Variants in NEIL3 observed in about 807,000 individuals in gnomAD.
NEIL3 encodes the protein endonuclease 8-like 3.
In NEIL3, 48 loss-of-function variants were observed where a neutral mutation model predicts 57.5. That is an observed-to-expected ratio of 0.83 (90% CI 0.66 to 1.06). The LOEUF is 1.06. Among genes scored for constraint, NEIL3 ranks in the 50% least tolerant of loss-of-function variants. The probability of loss-of-function intolerance (pLI) is 0.00; values close to 1 mark genes in which losing one functional copy is unlikely to be tolerated. For missense variants in NEIL3, 717 were observed against 739.1 expected (o/e 0.97, Z 0.35); for synonymous variants, 261 against 253.2 (o/e 1.03, Z -0.29).
intron 7 of NEIL3, among the ~76,000 whole-genome samples, chr4:177,351,935 C>G (rs1025543800): frequency 6.6e-6 from 1 of 152,174 alleles, no homozygotes; most frequent in Non-Finnish European, 1.5e-5. Flanking sequence ...GTAAGAATCT[C>G]TTTGCAGGTG....
In NEIL3 at chr4:177,351,474, A is replaced by G; in HGVS notation, c.964A>G (p.Thr322Ala). Residue 322 changes from threonine to alanine, a missense_variant, in exon 7 of 10, where the codon ACC (threonine) becomes GCC (alanine). Thr to Ala is a moderately conservative substitution (Grantham distance 58). Transcript: ENST00000264596. Reference sequence around the variant, plus strand: ...GGCTCGGAAGTCGGAAGAGCACTGGACCTGTGTGGTGTGTACTTTAATCAA... The same window carrying G: ...GGCTCGGAAGTCGGAAGAGCACTGGGCCTGTGTGGTGTGTACTTTAATCAA... ...SVARKSEEHW[T>A]CVVCTLINKP... 1 of 1,613,974 alleles carries G rather than the reference A, an allele frequency of 6.2e-7. No homozygotes were observed. Among genetic ancestry groups the G allele is most frequent in the Middle Eastern group, 1.7e-4 (1 of 6,060 alleles).
At chr4:177,335,634 G>T (rs1734959316) in intron 2 of NEIL3, 54 bp from the exon 3 acceptor site, 3 of 1,556,700 alleles carry the variant, frequency 1.9e-6, no homozygotes, top group Non-Finnish European at 2.6e-6. Flanking sequence ...CAGGAAAAAA[G>T]CTTGATAAAT....
In NEIL3 at chr4:177,351,467, G is replaced by C; in HGVS notation, c.957G>C (p.Glu319Asp). 1 of 1,614,002 alleles carries C rather than the reference G, an allele frequency of 6.2e-7. No homozygotes were observed. The highest frequency in any genetic ancestry group is 1.1e-5 in the South Asian group (1 of 91,086). The change falls in exon 7 of 10, where the codon GAG becomes GAC. Residue 319 changes from glutamate (E) to aspartate (D), a missense_variant. Physicochemically the swap from Glu to Asp is conservative, Grantham distance 45. Coordinates refer to ENST00000264596, the MANE Select transcript of NEIL3 (RefSeq NM_018248.3). ...ACTCCGTGGCTCGGAAGTCGGAAGA[G>C]CACTGGACCTGTGTGGTGTGTACTT... ...VMDSVARKSE[E>D]HWTCVVCTLI...
chr4:177,339,880 G>A (rs1560915131), intron 5 of NEIL3, 23 bp downstream of exon 5: 1 of 1,519,912 alleles, frequency 6.6e-7, no homozygotes, highest in Admixed American at 1.7e-5. Flanking sequence ...TTTTTCAACT[G>A]TGTAAAATGT....
At chr4:177,369,967 A>T in the NEIL3 span, among the ~76,000 whole-genome samples, 1 of 152,210 alleles carries the variant, frequency 6.6e-6, no homozygotes, top group Non-Finnish European at 1.5e-5. Flanking sequence ...GGAATGTTTC[A>T]GAGAGGAAAT....
intron 2 of NEIL3, among the ~76,000 whole-genome samples, chr4:177,327,556 G>A (rs562805127): frequency 1.6e-4 from 24 of 152,222 alleles, no homozygotes; most frequent in African/African-American, 5.8e-4. Context: ...CATGCATTAA[G>A]TGTTTGTCCT....
At chr4:177,347,067 A>T (rs1011880337) in intron 6 of NEIL3, among the ~76,000 whole-genome samples, 1 of 152,090 alleles carries the variant, frequency 6.6e-6, no homozygotes, top group African/African-American at 2.4e-5. Context: ...TGAGGCGATG[A>T]TAAGTGGTGA....
the NEIL3 span, among the ~76,000 whole-genome samples, chr4:177,369,466 G>A: frequency 6.6e-6 from 1 of 152,138 alleles, no homozygotes; most frequent in Non-Finnish European, 1.5e-5. Flanking sequence ...GGCCAGTTCT[G>A]AGTTCTGAGA....
chr4:177,366,786 C>A (rs1199548985), downstream of NEIL3, among the ~76,000 whole-genome samples: 1 of 152,160 alleles, frequency 6.6e-6, no homozygotes, highest in African/African-American at 2.4e-5. Flanking sequence ...TATTGAGATC[C>A]CCAAGGAACA....
At chr4:177,369,055 C>T in the NEIL3 span, among the ~76,000 whole-genome samples, 1 of 152,186 alleles carries the variant, frequency 6.6e-6, no homozygotes, top group Non-Finnish European at 1.5e-5. Context: ...CTCTGTTGAA[C>T]ACCTACTATG....
chr4:177,341,848 A>G (rs1307888760), intron 6 of NEIL3, among the ~76,000 whole-genome samples: 1 of 152,226 alleles, frequency 6.6e-6, no homozygotes, highest in Non-Finnish European at 1.5e-5. Context: ...TTCTGAATTT[A>G]GGTGGAAAAT....
chr4:177,320,889 T>G (rs1209489630), intron 1 of NEIL3, among the ~76,000 whole-genome samples: 1 of 152,090 alleles, frequency 6.6e-6, no homozygotes, highest in Non-Finnish European at 1.5e-5. Context: ...TTCAGGCAGT[T>G]GGAAAATTCT....
Position 177,341,450 on chromosome 4 carries a change from A to G in NEIL3, c.703-26A>G, listed in dbSNP as rs376932550. 1.9e-6 allele frequency: 3 copies of G among 1,544,342 alleles called. No homozygotes were observed. In the African/African-American group the frequency reaches 4.2e-5, roughly 22 times the overall value. On this transcript the variant is annotated intron_variant, in intron 5 of 9. Transcript: ENST00000264596. Reference sequence around the variant, plus strand: ...GGCAGCACTGTTTTGTGGATAACAGAATTTTTTGGTTTTTTTTTTTTTTAG... The same window carrying G: ...GGCAGCACTGTTTTGTGGATAACAGGATTTTTTGGTTTTTTTTTTTTTTAG...
At chr4:177,359,548 T>C (rs888350276) in intron 8 of NEIL3, among the ~76,000 whole-genome samples, 2 of 152,120 alleles carry the variant, frequency 1.3e-5, no homozygotes, top group Non-Finnish European at 2.9e-5. Flanking sequence ...TTTTAACAAT[T>C]ATTTAAGAAT....
chr4:177,326,262 G>A (rs750454095), intron 2 of NEIL3, among the ~76,000 whole-genome samples: 10 of 151,970 alleles, frequency 6.6e-5, no homozygotes, highest in African/African-American at 1.4e-4. Context: ...GTCTTTTTGC[G>A]TGTGTATTTT....
At chr4:177,355,483 A>G (rs1735452364) in intron 8 of NEIL3, among the ~76,000 whole-genome samples, 1 of 152,172 alleles carries the variant, frequency 6.6e-6, no homozygotes, top group South Asian at 2.1e-4. Flanking sequence ...TATACTGTAT[A>G]TTTTGTGTAA....
At chr4:177,354,646 T>A (rs1735436316) in intron 8 of NEIL3, among the ~76,000 whole-genome samples, 1 of 151,870 alleles carries the variant, frequency 6.6e-6, no homozygotes, top group Non-Finnish European at 1.5e-5. Context: ...ATTCGGCTAA[T>A]TTTTTTTGTA....
Position 177,348,858 on chromosome 4 carries a change from A to ATTTTTTTTTTTTTTTTTTTTTTTT in NEIL3, c.870-2518_870-2495dup, listed in dbSNP as rs749391559. Among the ~76,000 whole-genome samples, 4 of 73,736 alleles carry ATTTTTTTTTTTTTTTTTTTTTTTT rather than the reference A, an allele frequency of 5.4e-5. 1 individual carries two copies. The highest frequency in any genetic ancestry group is 4.4e-4 in the Admixed American group (2 of 4,506). 48.4% of individuals were successfully genotyped at this position (73,736 alleles called of 152,430 possible). On this transcript the variant is annotated intron_variant, in intron 6 of 9. Transcript: ENST00000264596. Reference sequence around the variant, plus strand: ...AGAATTGCAGATTGGTGGCTCATGAATTTTTTTTTTTTTTTTTTTTTTTTT... The same window carrying ATTTTTTTTTTTTTTTTTTTTTTTT: ...AGAATTGCAGATTGGTGGCTCATGAATTTTTTTTTTTTTTTTTTTTTTTTTTTTTTTTTTTTTTTTTTTTTTTTT...
chr4:177,362,254 G>C, intron 9 of NEIL3, 35 bp from the exon 10 acceptor site: 1 of 1,558,034 alleles, frequency 6.4e-7, no homozygotes, highest in East Asian at 2.3e-5. Context: ...GATAACTTTT[G>C]TATAAACTTG....
Sources: allele counts gnomAD v4.1 joint callset (sites outside exome capture counted in the v4.1 genomes callset), GRCh38; gene constraint gnomAD v4.1.1; transcripts MANE v1.5; gene names NCBI Gene and HGNC (gene_info 2026-07-23, HGNC 2026-07-21).